The following LRP1B variants were observed in gnomAD, a reference collection of about 807,000 sequenced individuals.
LRP1B encodes the protein LDL receptor related protein 1B, also known as low-density lipoprotein receptor-related protein 1B.
LRP1B carries 217 observed loss-of-function variants against 556.6 expected under a neutral mutation model. The observed-to-expected ratio is 0.39, with a 90% CI of 0.35 to 0.44. The LOEUF is 0.44. Ranked by LOEUF, LRP1B falls within the 20% of genes least tolerant of loss-of-function variation. LRP1B has a pLI of 1.00. For synonymous variants in LRP1B, 2,047 were observed against 1,865.8 expected (o/e 1.10, Z -2.50); for missense variants, 5,053 against 5,620.8 (o/e 0.90, Z 3.23).
intron 3 of LRP1B, among the ~76,000 whole-genome samples, chr2:141,379,797 T>G (rs1043988181): frequency 6.6e-6 from 1 of 152,096 alleles, no homozygotes; most frequent in Non-Finnish European, 1.5e-5. Flanking sequence ...CATGAGTACC[T>G]GCCACAGCTT....
intron 6 of LRP1B, among the ~76,000 whole-genome samples, chr2:141,224,118 T>G (rs1365005693): frequency 2.0e-5 from 3 of 150,172 alleles, no homozygotes; most frequent in Non-Finnish European, 4.4e-5. Context: ...GGAAGACAAT[T>G]TTTGCAATCT....
At chr2:140,605,641 T>C (rs1195276561) in intron 41 of LRP1B, among the ~76,000 whole-genome samples, 1 of 151,700 alleles carries the variant, frequency 6.6e-6, no homozygotes, top group Non-Finnish European at 1.5e-5. Flanking sequence ...GCTTCCTTAC[T>C]GCCTGCCTGC....
chr2:140,587,455 G>T lies in LRP1B; in HGVS notation c.7194+11176C>A, dbSNP rs140653735. 9.1e-3 allele frequency among the ~76,000 whole-genome samples: 1,391 copies of T among 152,266 alleles called. 19 individuals carry two copies. Among genetic ancestry groups the T allele is most frequent in the Non-Finnish European group, 0.011 (746 of 68,014 alleles). ...CATGGGTGAACTTGGAGTACATTAT[G>T]CTAAATGAAATGAGCCAGACACAGA... On this transcript the variant is annotated intron_variant, in intron 43 of 90. Coordinates refer to ENST00000389484, the MANE Select transcript of LRP1B (RefSeq NM_018557.3).
At chr2:142,104,883 C>A (rs949651146) in intron 1 of LRP1B, among the ~76,000 whole-genome samples, 6 of 152,180 alleles carry the variant, frequency 3.9e-5, no homozygotes, top group African/African-American at 1.4e-4. Flanking sequence ...CAATTTTCTT[C>A]AAGACCAGTT....
At chr2:141,730,140 C>T (rs989659250) in intron 2 of LRP1B, among the ~76,000 whole-genome samples, 3 of 152,104 alleles carry the variant, frequency 2.0e-5, no homozygotes, top group African/African-American at 7.2e-5. Context: ...GTGGCTTAGC[C>T]AGTTTTGGCT....
At chr2:141,352,610 T>C (rs1231793792) in intron 3 of LRP1B, among the ~76,000 whole-genome samples, 1 of 151,856 alleles carries the variant, frequency 6.6e-6, no homozygotes, top group East Asian at 1.9e-4. Context: ...AATGATAAAA[T>C]TTTTAAACAG....
intron 32 of LRP1B, among the ~76,000 whole-genome samples, chr2:140,798,100 A>G (rs1690380546): frequency 6.6e-6 from 1 of 152,062 alleles, no homozygotes; most frequent in African/African-American, 2.4e-5. Flanking sequence ...GATAAACTTG[A>G]TTTGTTTATT....
At chr2:141,039,343 G>C (rs751131004) in intron 11 of LRP1B, among the ~76,000 whole-genome samples, 2 of 151,970 alleles carry the variant, frequency 1.3e-5, no homozygotes, top group South Asian at 4.1e-4. Context: ...CATTATTGTT[G>C]TGAGTCTCTT....
rs185674887 is a variant in LRP1B, at chr2:141,048,895, T to C, written c.1789+91A>G. 4.2e-6 allele frequency: 4 copies of C among 951,438 alleles called. 1 individual carries two copies. The East Asian group carries it at 7.3e-5, about 17-fold the overall frequency. The allele number at this position is 951,438 out of a possible 1,614,324, so 58.9% of individuals were successfully genotyped here. Reference sequence around the variant, plus strand: ...GAACCAACCAGAAGAACTTGAGTTCTGGTTAAAGCTAGTCTGACACACACT... The same window carrying C: ...GAACCAACCAGAAGAACTTGAGTTCCGGTTAAAGCTAGTCTGACACACACT... On this transcript the variant is annotated intron_variant, in intron 11 of 90. Coordinates refer to ENST00000389484, the MANE Select transcript of LRP1B (RefSeq NM_018557.3).
At chr2:141,605,937 G>A (rs564346662) in intron 2 of LRP1B, among the ~76,000 whole-genome samples, 21 of 141,718 alleles carry the variant, frequency 1.5e-4, no homozygotes, top group Admixed American at 1.5e-3. Flanking sequence ...AATTAAGTAT[G>A]ATAAAATGCA....
chr2:140,687,711 T>TTA (rs1015843732), intron 41 of LRP1B, among the ~76,000 whole-genome samples: 18 of 152,146 alleles, frequency 1.2e-4, no homozygotes, highest in Non-Finnish European at 5.9e-5. Flanking sequence ...TAAAGCTTGT[T>TTA]TATTCTTGCA....
At chr2:141,652,350 G>A (rs1185171245) in intron 2 of LRP1B, among the ~76,000 whole-genome samples, 1 of 152,198 alleles carries the variant, frequency 6.6e-6, no homozygotes, top group Non-Finnish European at 1.5e-5. Context: ...TGATGGAGCT[G>A]CTAACAGAGA....
chr2:141,978,331 C>A (rs1701942147), intron 1 of LRP1B, among the ~76,000 whole-genome samples: 2 of 151,844 alleles, frequency 1.3e-5, no homozygotes, highest in South Asian at 4.1e-4. Flanking sequence ...GAGAATCAAG[C>A]AGTATGTGAA....
At chr2:140,333,601 A>G (rs1305648728) in intron 79 of LRP1B, among the ~76,000 whole-genome samples, 1 of 150,992 alleles carries the variant, frequency 6.6e-6, no homozygotes, top group Non-Finnish European at 1.5e-5. Context: ...AGCACTAAAT[A>G]TAAATAGTTT....
intron 3 of LRP1B, among the ~76,000 whole-genome samples, chr2:141,348,010 A>T (rs1027412426): frequency 2.0e-5 from 3 of 152,094 alleles, no homozygotes; most frequent in Non-Finnish European, 4.4e-5. Flanking sequence ...ACTGAACATC[A>T]ATCTATTTCA....
At chr2:141,442,425 C>CT (rs5834828) in intron 3 of LRP1B, among the ~76,000 whole-genome samples, 25,943 of 137,502 alleles carry the variant, frequency 0.19, 4,057 homozygotes, top group African/African-American at 0.44. Context: ...TTCACACATT[C>CT]TTTTTTTTTT....
intron 1 of LRP1B, among the ~76,000 whole-genome samples, chr2:142,112,084 A>C (rs1707008606): frequency 6.6e-6 from 1 of 152,086 alleles, no homozygotes; most frequent in African/African-American, 2.4e-5. Context: ...GAATTCTACT[A>C]GTACATGTAC....
At position 141,236,674 on chromosome 2, in the gene LRP1B, C is replaced by T. The variant is rs533887108; in HGVS notation, c.593-7234G>A. Among the ~76,000 whole-genome samples the T allele has an allele frequency of 6.9e-4, 105 of 152,062 alleles. 1 individual carries two copies. The highest frequency in any genetic ancestry group is 2.2e-3 in the Admixed American group (34 of 15,234). On this transcript the variant is annotated intron_variant, in intron 5 of 90. Coordinates refer to ENST00000389484, the MANE Select transcript of LRP1B (RefSeq NM_018557.3). The stretch of plus-strand genomic sequence containing the variant: ...ATGTCAGAAGTATAATTCATGTGTA[C>T]GTTGAGGTAAAATGGAAACGTCTTA...
intron 21 of LRP1B, among the ~76,000 whole-genome samples, chr2:140,922,618 T>C (rs569715914): frequency 1.2e-4 from 19 of 152,172 alleles, no homozygotes; most frequent in African/African-American, 4.6e-4. Context: ...TTCCAGATTC[T>C]GTATTCCAGA....
Sources: allele counts gnomAD v4.1 joint callset (sites outside exome capture counted in the v4.1 genomes callset), GRCh38; gene constraint gnomAD v4.1.1; transcripts MANE v1.5; gene names NCBI Gene and HGNC (gene_info 2026-07-23, HGNC 2026-07-21).